The following REDIC1 variants were observed in gnomAD, a reference collection of about 807,000 sequenced individuals.
REDIC1 encodes HEI10 Interacting Protein 1.
the REDIC1 span, among the ~76,000 whole-genome samples, chr12:39,679,522 A>G: frequency 1.3e-5 from 2 of 152,230 alleles, no homozygotes; most frequent in Admixed American, 6.5e-5. Flanking sequence ...AACACATCCT[A>G]TGATCATGGA....
chr12:39,651,826 G>A, the REDIC1 span, among the ~76,000 whole-genome samples: 1,185 of 152,240 alleles, frequency 7.8e-3, 16 homozygotes, highest in African/African-American at 0.026. Flanking sequence ...CAAAGATAAT[G>A]ACACATGAAC....
At chr12:39,680,332 T>C in the REDIC1 span, among the ~76,000 whole-genome samples, 1 of 151,934 alleles carries the variant, frequency 6.6e-6, no homozygotes, top group Non-Finnish European at 1.5e-5. Context: ...GAATAGACAA[T>C]TTGCAAAAGA....
chr12:39,783,310 G>C, the REDIC1 span, among the ~76,000 whole-genome samples: 1 of 152,192 alleles, frequency 6.6e-6, no homozygotes, highest in African/African-American at 2.4e-5. Flanking sequence ...TTGCTATTGT[G>C]AATAGTGCCG....
chr12:39,894,650 T>C, the REDIC1 span, among the ~76,000 whole-genome samples: 143 of 152,354 alleles, frequency 9.4e-4, no homozygotes, highest in African/African-American at 3.4e-3. Flanking sequence ...TTTGGGCTAA[T>C]GTATATCTTT....
At chr12:39,791,245 T>C in the REDIC1 span, among the ~76,000 whole-genome samples, 1 of 144,240 alleles carries the variant, frequency 6.9e-6, no homozygotes, top group East Asian at 2.1e-4. Flanking sequence ...GAGCTATCTA[T>C]GACAAACCCA....
chr12:39,889,492 G>A, the REDIC1 span, among the ~76,000 whole-genome samples: 1 of 150,146 alleles, frequency 6.7e-6, no homozygotes, highest in East Asian at 2.0e-4. Context: ...CAGAGAAAGT[G>A]AGTAGAGGCC....
At chr12:39,714,205 ACATGCATATACGTATATG>A in the REDIC1 span, among the ~76,000 whole-genome samples, 6 of 37,134 alleles carry the variant, frequency 1.6e-4, no homozygotes, top group African/African-American at 3.5e-4. Context: ...ATATGTATAT[ACATGCATATACGTATATG>A]CATGCATATA....
chr12:39,657,975 T>C, the REDIC1 span, among the ~76,000 whole-genome samples: 1 of 152,188 alleles, frequency 6.6e-6, no homozygotes, highest in African/African-American at 2.4e-5. Context: ...GAAACCATTC[T>C]TCTTTACTAA....
chr12:39,746,760 C>A, the REDIC1 span, among the ~76,000 whole-genome samples: 5 of 152,244 alleles, frequency 3.3e-5, no homozygotes, highest in Non-Finnish European at 5.9e-5. Context: ...GCAGCATTTG[C>A]TGTTCAGCAA....
the REDIC1 span, among the ~76,000 whole-genome samples, chr12:39,742,864 T>G: frequency 5.9e-4 from 90 of 152,212 alleles, no homozygotes; most frequent in East Asian, 3.5e-3. Context: ...ATAGAGAGAA[T>G]TACTATTTAC....
chr12:39,646,612 C>A, the REDIC1 span: 2 of 730,096 alleles, frequency 2.7e-6, no homozygotes, highest in Non-Finnish European at 4.1e-6. Flanking sequence ...TTAAGACCTT[C>A]ATCAAATGAT....
the REDIC1 span, among the ~76,000 whole-genome samples, chr12:39,693,727 A>AT: frequency 6.6e-6 from 1 of 151,942 alleles, no homozygotes; most frequent in Non-Finnish European, 1.5e-5. Context: ...TTTCCAGTAT[A>AT]TTTTTCTTAC....
chr12:39,843,794 G>T, the REDIC1 span, among the ~76,000 whole-genome samples: 1 of 151,982 alleles, frequency 6.6e-6, no homozygotes, highest in African/African-American at 2.4e-5. Context: ...AAACCACAAA[G>T]ATTTTGTTAT....
At chr12:39,757,102 A>G in the REDIC1 span, 3 of 151,842 alleles carry the variant, frequency 2.0e-5, no homozygotes, top group African/African-American at 4.8e-5. Context: ...TTGACATCAC[A>G]TTCAGCCCTA....
At chr12:39,733,758 A>G in the REDIC1 span, among the ~76,000 whole-genome samples, 1 of 152,148 alleles carries the variant, frequency 6.6e-6, no homozygotes. Context: ...TGCCACCACC[A>G]AGCTGGAGCA....
chr12:39,813,502 A>G, the REDIC1 span, among the ~76,000 whole-genome samples: 1 of 152,306 alleles, frequency 6.6e-6, no homozygotes, highest in South Asian at 2.1e-4. Flanking sequence ...CTATTTCAGT[A>G]TGTATCTCTG....
chr12:39,636,500 G>A, the REDIC1 span, among the ~76,000 whole-genome samples: 14 of 152,118 alleles, frequency 9.2e-5, no homozygotes, highest in African/African-American at 3.4e-4. Flanking sequence ...TGTCTTGAAT[G>A]TTAATAAGTC....
chr12:39,824,502 T>G, the REDIC1 span, among the ~76,000 whole-genome samples: 1 of 152,066 alleles, frequency 6.6e-6, no homozygotes, highest in African/African-American at 2.4e-5. Flanking sequence ...TCAATCGGAG[T>G]CAGTTACCAG....
chr12:39,771,499 G>C, the REDIC1 span, among the ~76,000 whole-genome samples: 1 of 152,044 alleles, frequency 6.6e-6, no homozygotes, highest in Non-Finnish European at 1.5e-5. Flanking sequence ...ACAAATTACT[G>C]AATTCTGCTA....
Sources: allele counts gnomAD v4.1 joint callset (sites outside exome capture counted in the v4.1 genomes callset), GRCh38; gene constraint gnomAD v4.1.1; transcripts MANE v1.5; gene names NCBI Gene and HGNC (gene_info 2026-07-23, HGNC 2026-07-21).